The following GARRE1 variants were observed in gnomAD, a reference collection of about 807,000 sequenced individuals.
GARRE1 encodes the protein granule associated Rac and RHOG effector protein 1.
A neutral mutation model predicts 103.2 loss-of-function variants in GARRE1; 49 were observed. That is an observed-to-expected ratio of 0.47 (90% CI 0.38 to 0.60). The LOEUF (loss-of-function observed/expected upper bound fraction) is 0.60, where lower values mean the gene tolerates loss of function less well. GARRE1 is among the 20% of genes least tolerant of loss of function. The probability of loss-of-function intolerance (pLI) is 0.00; values close to 1 mark genes in which losing one functional copy is unlikely to be tolerated. For missense variants in GARRE1, 1,199 were observed against 1,370.5 expected (o/e 0.87, Z 1.98); for synonymous variants, 505 against 532.8 (o/e 0.95, Z 0.72).
At position 34,339,891 on chromosome 19, in the gene GARRE1, C is replaced by G; in HGVS notation, c.1386C>G (p.Thr462=). ...STWCLKEDPA[T]MSLLQRSLDP... ...GGTGCCTGAAAGAAGACCCTGCTAC[C>G]ATGTCCCTGCTGCAGAGAAGCCTTG... The change falls in exon 9 of 14, where the codon ACC becomes ACG. Residue 462 remains threonine, a synonymous_variant. Transcript: ENST00000299505. 6.2e-7 allele frequency: 1 copy of G among 1,614,136 alleles called. No homozygotes were observed. The highest frequency in any genetic ancestry group is 1.1e-5 in the South Asian group (1 of 91,078).
intron 8 of GARRE1, among the ~76,000 whole-genome samples, chr19:34,337,109 A>G (rs2074164763): frequency 6.6e-6 from 1 of 151,956 alleles, no homozygotes; most frequent in Non-Finnish European, 1.5e-5. Context: ...GAAGAACACA[A>G]ACAGAAATGA....
chr19:34,310,635 T>C (rs958780512), intron 2 of GARRE1, among the ~76,000 whole-genome samples: 1 of 148,850 alleles, frequency 6.7e-6, no homozygotes, highest in African/African-American at 2.4e-5. Context: ...TAAATACACA[T>C]GAGCTAGCTG....
At chr19:34,261,307 C>A (rs1016151706) in intron 1 of GARRE1, among the ~76,000 whole-genome samples, 2 of 152,208 alleles carry the variant, frequency 1.3e-5, no homozygotes, top group South Asian at 4.2e-4. Flanking sequence ...AGTGAGGGCT[C>A]TGAGCGTGCT....
At chr19:34,289,774 A>T (rs1344168390) in intron 1 of GARRE1, among the ~76,000 whole-genome samples, 5 of 151,978 alleles carry the variant, frequency 3.3e-5, no homozygotes, top group Non-Finnish European at 7.4e-5. Flanking sequence ...TTATTTCAGG[A>T]TTTGTTACTG....
At chr19:34,263,483 T>A (rs1288450710) in intron 1 of GARRE1, among the ~76,000 whole-genome samples, 1 of 143,724 alleles carries the variant, frequency 7.0e-6, no homozygotes, top group Admixed American at 7.0e-5. Context: ...CTTTTTTTTC[T>A]TTTTTTTTTT....
intron 11 of GARRE1, chr19:34,348,294 CTT>C (rs1258573243): frequency 3.0e-6 from 1 of 337,558 alleles, no homozygotes; most frequent in Non-Finnish European, 5.3e-6. Flanking sequence ...AAAACAGACT[CTT>C]CAGCCCTAGA....
chr19:34,334,579 AT>A (rs1295550010), intron 8 of GARRE1, among the ~76,000 whole-genome samples: 1 of 151,858 alleles, frequency 6.6e-6, no homozygotes, highest in Non-Finnish European at 1.5e-5. Flanking sequence ...GGTGCCTGTA[AT>A]TCCAGCTAAT....
intron 2 of GARRE1, among the ~76,000 whole-genome samples, 158 bp downstream of exon 2, chr19:34,301,126 T>C (rs1160690035): frequency 6.6e-6 from 1 of 152,212 alleles, no homozygotes; most frequent in African/African-American, 2.4e-5. Flanking sequence ...TGCCAGGTTC[T>C]GAATTGCTTT....
At chr19:34,273,261 T>C (rs2073798630) in intron 1 of GARRE1, among the ~76,000 whole-genome samples, 1 of 152,232 alleles carries the variant, frequency 6.6e-6, no homozygotes, top group South Asian at 2.1e-4. Context: ...GCCTGGCTCT[T>C]ACCCACAGTT....
intron 1 of GARRE1, among the ~76,000 whole-genome samples, chr19:34,284,132 T>C (rs868058642): frequency 1.5e-5 from 2 of 136,654 alleles, no homozygotes; most frequent in Admixed American, 1.5e-4. Context: ...GCTTTCTTTT[T>C]TTTTTTTTTT....
At chr19:34,288,275 A>C (rs1041758321) in intron 1 of GARRE1, among the ~76,000 whole-genome samples, 1 of 152,182 alleles carries the variant, frequency 6.6e-6, no homozygotes, top group Non-Finnish European at 1.5e-5. Flanking sequence ...AACTGAATGG[A>C]AACTGTGGTG....
rs1267029318 is a variant in GARRE1, at chr19:34,300,962, C to T, written c.489C>T (p.Asp163=). 3.8e-6 allele frequency: 6 copies of T among 1,596,890 alleles called. No homozygotes were observed. In the East Asian group the frequency reaches 1.1e-4, roughly 30 times the overall value. ...FTDQKEFSLQ[D]IEVLGRCFLT... ...ATCAGAAGGAATTCAGTCTCCAGGA[C>T]ATTGAGGTAGAGTATCTTTTGTGTC... Residue 163 remains aspartate (D), a synonymous_variant, in exon 2 of 14, where the codon GAC becomes GAT. Transcript: ENST00000299505.
intron 3 of GARRE1, among the ~76,000 whole-genome samples, chr19:34,323,240 C>G (rs958683934): frequency 1.3e-5 from 2 of 151,562 alleles, no homozygotes; most frequent in African/African-American, 4.8e-5. Flanking sequence ...ACTGTGTTAG[C>G]CAGGATGGTC....
intron 10 of GARRE1, among the ~76,000 whole-genome samples, chr19:34,344,713 C>T (rs2074202608): frequency 6.6e-6 from 1 of 152,048 alleles, no homozygotes; most frequent in Non-Finnish European, 1.5e-5. Flanking sequence ...CACGTTGTTG[C>T]CCAGGCTGGA....
chr19:34,330,705 G>A (rs2145269962), intron 7 of GARRE1, among the ~76,000 whole-genome samples: 1 of 151,286 alleles, frequency 6.6e-6, no homozygotes, highest in South Asian at 2.1e-4. Context: ...ATCAGCCTGG[G>A]CAACATAGTG....
chr19:34,309,267 T>C (rs1399956344), intron 2 of GARRE1, among the ~76,000 whole-genome samples: 1 of 152,142 alleles, frequency 6.6e-6, no homozygotes, highest in Non-Finnish European at 1.5e-5. Flanking sequence ...TAAAAGAAAT[T>C]ACACAGAATG....
intron 7 of GARRE1, among the ~76,000 whole-genome samples, chr19:34,331,512 A>G (rs965660453): frequency 6.6e-6 from 1 of 152,124 alleles, no homozygotes; most frequent in East Asian, 1.9e-4. Context: ...TTTCTTAGCA[A>G]TAAAGTAACA....
intron 3 of GARRE1, among the ~76,000 whole-genome samples, chr19:34,326,659 G>A (rs1393390401): frequency 6.6e-6 from 1 of 150,782 alleles, no homozygotes; most frequent in South Asian, 2.1e-4. Context: ...TTCCTTCACT[G>A]AATAGGAATG....
intron 8 of GARRE1, among the ~76,000 whole-genome samples, chr19:34,335,417 A>C (rs1388620509): frequency 6.6e-6 from 1 of 152,264 alleles, no homozygotes; most frequent in Non-Finnish European, 1.5e-5. Context: ...ATAAGAGAAA[A>C]TATTTAAATC....
Sources: allele counts gnomAD v4.1 joint callset (sites outside exome capture counted in the v4.1 genomes callset), GRCh38; gene constraint gnomAD v4.1.1; transcripts MANE v1.5; gene names NCBI Gene and HGNC (gene_info 2026-07-23, HGNC 2026-07-21).